The following FOXP2 variants were observed in gnomAD, a reference collection of about 807,000 sequenced individuals.
The protein encoded by FOXP2 is forkhead box P2, also known as forkhead box protein P2.
A neutral mutation model predicts 115.8 loss-of-function variants in FOXP2; 12 were observed. That is an observed-to-expected ratio of 0.10 (90% CI 0.07 to 0.17). FOXP2 has a LOEUF of 0.17. Ranked by LOEUF, FOXP2 falls within the 10% of genes least tolerant of loss-of-function variation. FOXP2 has a pLI of 1.00. For missense variants in FOXP2, 629 were observed against 843.5 expected (o/e 0.75, Z 3.15); for synonymous variants, 328 against 297.7 (o/e 1.10, Z -1.05).
rs1797161121 is a variant in FOXP2 at position 114,312,105 on chromosome 7, C to G, written c.-11+23996C>G. On this transcript the variant is annotated intron_variant, in intron 2 of 17. Transcript: ENST00000634411. ...GAGTGGCCACCTGCTGGGCACTCAA[C>G]CAAATGAACTTTTATGTATTCAGTT... Among the ~76,000 whole-genome samples the G allele has an allele frequency of 2.6e-5, 4 of 152,118 alleles. No individual in the cohort carries two copies. In the South Asian group the frequency reaches 8.3e-4, roughly 32 times the overall value.
At chr7:114,620,759 TA>T (rs1440151217) in intron 3 of FOXP2, among the ~76,000 whole-genome samples, 1 of 152,076 alleles carries the variant, frequency 6.6e-6, no homozygotes, top group African/African-American at 2.4e-5. Context: ...TAATCTAACC[TA>T]AATGCCATAG....
At chr7:114,388,297 T>C (rs1792503835) in intron 2 of FOXP2, among the ~76,000 whole-genome samples, 1 of 152,134 alleles carries the variant, frequency 6.6e-6, no homozygotes, top group Non-Finnish European at 1.5e-5. Flanking sequence ...AACCACATAT[T>C]TCAATCCTGT....
intron 16 of FOXP2, among the ~76,000 whole-genome samples, chr7:114,678,886 T>A (rs1040144380): frequency 6.6e-6 from 1 of 152,208 alleles, no homozygotes; most frequent in East Asian, 1.9e-4. Flanking sequence ...TTGAGAGTCA[T>A]GAAAAGTTAA....
intron 1 of FOXP2, among the ~76,000 whole-genome samples, chr7:114,417,126 C>T (rs956817515): frequency 3.3e-5 from 5 of 151,888 alleles, no homozygotes; most frequent in Admixed American, 6.6e-5. Context: ...GCTGCTTCTT[C>T]ATAATTTAAT....
intron 2 of FOXP2, among the ~76,000 whole-genome samples, chr7:114,362,114 G>T (rs1310373097): frequency 6.6e-6 from 1 of 151,858 alleles, no homozygotes; most frequent in Non-Finnish European, 1.5e-5. Context: ...TTTAAAGAAA[G>T]AGACAAATGT....
intron 6 of FOXP2, among the ~76,000 whole-genome samples, chr7:114,635,314 A>G (rs1805159236): frequency 2.0e-5 from 3 of 152,152 alleles, no homozygotes; most frequent in South Asian, 4.1e-4. Flanking sequence ...GATTGCATAG[A>G]TTACTATTGT....
At chr7:114,416,466 A>T (rs940799403) in intron 1 of FOXP2, 1 of 147,758 alleles carries the variant, frequency 6.8e-6, no homozygotes, top group Non-Finnish European at 1.5e-5. Context: ...TTTTCACTTT[A>T]CTGTAGCCTA....
At chr7:114,160,866 T>C (rs1164686917), upstream of FOXP2, among the ~76,000 whole-genome samples, 1 of 151,880 alleles carries the variant, frequency 6.6e-6, no homozygotes, top group Non-Finnish European at 1.5e-5. Context: ...AATGTAATTT[T>C]AGCCACACTA....
upstream of FOXP2, among the ~76,000 whole-genome samples, chr7:114,410,248 T>C (rs937578522): frequency 5.9e-5 from 9 of 152,116 alleles, no homozygotes; most frequent in African/African-American, 2.2e-4. Context: ...TTGAGAGTTT[T>C]CAGGGCAGAG....
intron 2 of FOXP2, among the ~76,000 whole-genome samples, chr7:114,473,442 G>A (rs1241180853): frequency 6.6e-6 from 1 of 152,180 alleles, no homozygotes; most frequent in Admixed American, 6.5e-5. Context: ...CTTATTAAAA[G>A]TTATTTCGTT....
intron 1 of FOXP2, among the ~76,000 whole-genome samples, chr7:114,187,870 T>G (rs765012863): frequency 2.1e-4 from 32 of 152,248 alleles, no homozygotes; most frequent in South Asian, 1.7e-3. Context: ...TCTTGCAGCA[T>G]CATCACATGG....
intron 3 of FOXP2, among the ~76,000 whole-genome samples, chr7:114,579,629 C>T (rs1405943621): frequency 3.3e-5 from 5 of 152,126 alleles, no homozygotes; most frequent in African/African-American, 9.7e-5. Context: ...TATGCAAGCC[C>T]GAACTCAGTT....
intron 10 of FOXP2, among the ~76,000 whole-genome samples, chr7:114,657,806 G>A (rs530969302): frequency 2.6e-5 from 4 of 152,122 alleles, no homozygotes; most frequent in Admixed American, 1.3e-4. Context: ...ATAGACTTTC[G>A]CTGAAGTCTG....
intron 3 of FOXP2, among the ~76,000 whole-genome samples, chr7:114,572,523 T>C (rs1801359192): frequency 6.6e-6 from 1 of 151,860 alleles, no homozygotes; most frequent in African/African-American, 2.4e-5. Flanking sequence ...AGATAAATTT[T>C]AGGTAAACAT....
At chr7:114,459,127 G>T (rs1455894265) in intron 2 of FOXP2, among the ~76,000 whole-genome samples, 1 of 152,198 alleles carries the variant, frequency 6.6e-6, no homozygotes, top group East Asian at 1.9e-4. Context: ...TACCTAGCGG[G>T]AAGGAAAAAG....
At chr7:114,629,359 A>G (rs1762208178) in intron 4 of FOXP2, among the ~76,000 whole-genome samples, 1 of 152,174 alleles carries the variant, frequency 6.6e-6, no homozygotes, top group Non-Finnish European at 1.5e-5. Flanking sequence ...TTCTGTGCTG[A>G]TGACTACAGA....
intron 3 of FOXP2, among the ~76,000 whole-genome samples, chr7:114,611,721 C>G (rs994572288): frequency 1.3e-5 from 2 of 151,856 alleles, no homozygotes; most frequent in African/African-American, 4.8e-5. Context: ...TTTCTTCTTC[C>G]CAAAAGAAAA....
chr7:114,410,791 A>G (rs1793143557), upstream of FOXP2, among the ~76,000 whole-genome samples: 1 of 152,044 alleles, frequency 6.6e-6, no homozygotes, highest in South Asian at 2.1e-4. Flanking sequence ...GCATCTCTCA[A>G]CTATTCTTTC....
At chr7:114,087,365 G>A (rs112773010), upstream of FOXP2, among the ~76,000 whole-genome samples, 1 of 152,100 alleles carries the variant, frequency 6.6e-6, no homozygotes, top group East Asian at 1.9e-4. Flanking sequence ...TAGCACGACC[G>A]GCTTCCCCCG....
Sources: allele counts gnomAD v4.1 joint callset (sites outside exome capture counted in the v4.1 genomes callset), GRCh38; gene constraint gnomAD v4.1.1; transcripts MANE v1.5; gene names NCBI Gene and HGNC (gene_info 2026-07-23, HGNC 2026-07-21).